PIEZO2: variants seen among roughly 807,000 people sequenced by gnomAD.
PIEZO2 encodes the protein piezo-type mechanosensitive ion channel component 2.
A neutral mutation model predicts 337.3 loss-of-function variants in PIEZO2; 172 were observed. The observed-to-expected ratio is 0.51, with a 90% CI of 0.45 to 0.58. PIEZO2 has a LOEUF of 0.58. PIEZO2 is among the 20% of genes least tolerant of loss of function. PIEZO2 has a pLI of 0.00. For missense variants in PIEZO2, 3,028 were observed against 3,391.3 expected, an observed-to-expected ratio of 0.89 and a Z score of 2.66; for synonymous variants, 1,251 against 1,228.5, an observed-to-expected ratio of 1.02 and a Z score of -0.38.
At position 11,144,389 on chromosome 18, in the gene PIEZO2, G is replaced by A. The variant is rs77706983; in HGVS notation, c.64+4136C>T. On this transcript the variant is annotated intron_variant, in intron 1 of 55. Coordinates refer to ENST00000674853, the MANE Select transcript of PIEZO2 (RefSeq NM_001378183.1). ...AGTTACTTTCTTAAATGCCTTCCAT[G>A]AATCCTTTGGCAGCTGCAGCCACCT... 3.9e-3 allele frequency among the ~76,000 whole-genome samples: 591 copies of A among 152,214 alleles called. 3 individuals carry two copies. Among genetic ancestry groups the A allele is most frequent in the African/African-American group, 0.013 (545 of 41,524 alleles).
intron 1 of PIEZO2, among the ~76,000 whole-genome samples, chr18:11,120,541 T>C (rs1333050724): frequency 6.6e-6 from 1 of 152,188 alleles, no homozygotes; most frequent in African/African-American, 2.4e-5. Flanking sequence ...AGAGAGGGTT[T>C]CGAAGCAGGA....
chr18:10,795,352 TTA>T lies in PIEZO2; in HGVS notation c.1528-352_1528-351del. Among the ~76,000 whole-genome samples, 2 of 2,944 alleles carry T rather than the reference TTA, an allele frequency of 6.8e-4. No individual in the cohort carries two copies. The highest frequency in any genetic ancestry group is 0.029 in the East Asian group (1 of 34). The allele number at this position is 2,944 out of a possible 152,430, so 1.9% of individuals were successfully genotyped here. On this transcript the variant is annotated intron_variant, in intron 12 of 55. Transcript: ENST00000674853. This position sits in a 1 kb window ranked among gnomAD's most constrained non-coding sequence, Gnocchi z 4.4. Reference sequence around the variant, plus strand: ...TTTTATTTTATTTTATTTTATTTTATTATTTTATTTTATTTTATTTTATTTTA... The same window carrying T: ...TTTTATTTTATTTTATTTTATTTTATTTTTATTTTATTTTATTTTATTTTA...
intron 4 of PIEZO2, among the ~76,000 whole-genome samples, chr18:10,891,105 G>C (rs2042742201): frequency 6.6e-6 from 1 of 152,166 alleles, no homozygotes; most frequent in African/African-American, 2.4e-5. Flanking sequence ...GGCCGAGGCA[G>C]GTGGATTACT....
At chr18:10,933,528 T>G (rs1568213500) in intron 3 of PIEZO2, among the ~76,000 whole-genome samples, 1 of 152,236 alleles carries the variant, frequency 6.6e-6, no homozygotes, top group Non-Finnish European at 1.5e-5. Context: ...ACCGTGGGAA[T>G]ACACTATGTC....
chr18:10,726,608 G>C lies in PIEZO2; in HGVS notation c.5029+4799C>G, dbSNP rs2036554504. ...TTCCAGGACCTGGCGCGCTACGTGC[G>C]GGACGCCGACGTGCGCTGGGAGTAC... On this transcript the variant is annotated intron_variant, in intron 36 of 55. Transcript: ENST00000674853. The surrounding 1 kb of genome is among the most constrained non-coding windows in gnomAD (Gnocchi z 5.9). The C allele has an allele frequency of 5.7e-6, 8 of 1,414,324 alleles. No homozygotes were observed. Among genetic ancestry groups the C allele is most frequent in the Non-Finnish European group, 6.6e-6 (7 of 1,058,302 alleles). The allele number at this position is 1,414,324 out of a possible 1,614,324, so 87.6% of individuals were successfully genotyped here. A position where few individuals can be genotyped will look rare whatever the true frequency, so the allele number is the denominator to read the frequency against.
chr18:10,906,106 G>A (rs1055224555), intron 4 of PIEZO2, among the ~76,000 whole-genome samples: 2 of 152,100 alleles, frequency 1.3e-5, no homozygotes, highest in African/African-American at 4.8e-5. Flanking sequence ...ACAGAGCTAG[G>A]CCTTTTGAAT....
chr18:10,985,424 C>T (rs2034834152), intron 2 of PIEZO2, among the ~76,000 whole-genome samples: 1 of 151,992 alleles, frequency 6.6e-6, no homozygotes, highest in South Asian at 2.1e-4. Context: ...ATTCCCAATA[C>T]CATTTATTGA....
intron 4 of PIEZO2, among the ~76,000 whole-genome samples, chr18:10,905,570 C>T (rs921263886): frequency 5.3e-5 from 6 of 113,020 alleles, no homozygotes; most frequent in African/African-American, 1.1e-4. Context: ...GCAACAAGAG[C>T]GAAACTGTTT....
At chr18:11,066,303 T>C (rs2038148211) in intron 1 of PIEZO2, 81 bp from the exon 2 acceptor site, 1 of 1,003,966 alleles carries the variant, frequency 1.0e-6, no homozygotes, top group South Asian at 1.5e-5. Context: ...TAACAAAAGA[T>C]GGTCTCAGAT....
Position 10,794,832 on chromosome 18 carries a change from AG to A in PIEZO2, c.1697del (p.Pro566LeufsTer10). The A allele has an allele frequency of 6.5e-7, 1 of 1,536,624 alleles. No homozygotes were observed. Among genetic ancestry groups the A allele is most frequent in the Non-Finnish European group, 8.7e-7 (1 of 1,146,710 alleles). ...ILQYIWSFEL[P>X]EIKKVPGFLE... ...AAAATCCTGGAACTTTTTTAATTTCAGGAAGTTCAAAACTCCATATATACTG... is the reference window on the plus strand; with the variant it reads ...AAAATCCTGGAACTTTTTTAATTTCAGAAGTTCAAAACTCCATATATACTG... On this transcript the variant is annotated frameshift_variant, in exon 13 of 56. Coordinates refer to ENST00000674853, the MANE Select transcript of PIEZO2 (RefSeq NM_001378183.1). LOFTEE classifies it high-confidence loss of function. This position sits in a 1 kb window ranked among gnomAD's most constrained non-coding sequence, Gnocchi z 6.6.
chr18:11,086,435 C>T (rs1265391133), intron 1 of PIEZO2, among the ~76,000 whole-genome samples: 1 of 151,246 alleles, frequency 6.6e-6, no homozygotes, highest in Non-Finnish European at 1.5e-5. Flanking sequence ...AGGAGAATGG[C>T]CTGAACCCGG....
At chr18:11,100,344 T>G (rs897002915) in intron 1 of PIEZO2, among the ~76,000 whole-genome samples, 3 of 152,214 alleles carry the variant, frequency 2.0e-5, no homozygotes, top group Non-Finnish European at 2.9e-5. Flanking sequence ...TTGAATGCTT[T>G]TCCAAAAAGC....
chr18:10,695,763 T>C (rs1487232850), intron 47 of PIEZO2, among the ~76,000 whole-genome samples: 1 of 152,114 alleles, frequency 6.6e-6, no homozygotes, highest in East Asian at 1.9e-4. Flanking sequence ...TCTGCTAAGG[T>C]GTAGAGAGAA....
intron 20 of PIEZO2, among the ~76,000 whole-genome samples, chr18:10,771,484 T>G (rs1163746543): frequency 6.6e-6 from 1 of 152,258 alleles, no homozygotes; most frequent in Non-Finnish European, 1.5e-5. Context: ...CTGTCTTGTT[T>G]GTAAACAAAA....
chr18:11,060,872 ATAG>A (rs201449840), intron 2 of PIEZO2, among the ~76,000 whole-genome samples: 97,725 of 150,982 alleles, frequency 0.65, 32,181 homozygotes, highest in East Asian at 0.97. Context: ...ATTCCAATCA[ATAG>A]AAAAGAGGGA....
rs1207731776 is a variant in PIEZO2 at position 11,128,963 on chromosome 18, T to C, written c.64+19562A>G. 6.6e-6 allele frequency among the ~76,000 whole-genome samples: 1 copy of C among 152,190 alleles called. No homozygotes were observed. Among genetic ancestry groups the C allele is most frequent in the Non-Finnish European group, 1.5e-5 (1 of 68,036 alleles). The stretch of plus-strand genomic sequence containing the variant: ...CACTAAGTAAGGACTCAGTGTTTAA[T>C]GTTGCAGATCAGGGAGTTAAAAAAG... On this transcript the variant is annotated intron_variant, in intron 1 of 55. Coordinates refer to ENST00000674853, the MANE Select transcript of PIEZO2 (RefSeq NM_001378183.1). This position sits in a 1 kb window ranked among gnomAD's most constrained non-coding sequence, Gnocchi z 4.1.
At position 10,684,588 on chromosome 18, in the gene PIEZO2, T is replaced by G. The variant is rs948490715; in HGVS notation, c.7498-2296A>C. Among the ~76,000 whole-genome samples, 44 of 151,500 alleles carry G rather than the reference T, an allele frequency of 2.9e-4. 1 individual carries two copies. Among genetic ancestry groups the G allele is most frequent in the African/African-American group, 8.2e-4 (34 of 41,222 alleles). On this transcript the variant is annotated intron_variant, in intron 49 of 55. Coordinates refer to ENST00000674853, the MANE Select transcript of PIEZO2 (RefSeq NM_001378183.1). The stretch of plus-strand genomic sequence containing the variant: ...CGAGAGATTCTCATGCCTCAGCCTC[T>G]CAAGTAGCTGGGACTACAGGCACAC...
chr18:10,820,324 C>T (rs1728014), intron 7 of PIEZO2, among the ~76,000 whole-genome samples: 2 of 150,628 alleles, frequency 1.3e-5, no homozygotes, highest in Non-Finnish European at 3.0e-5. Context: ...TGTCCTATAG[C>T]TTATGTGGTT....
chr18:10,777,275 C>T (rs1273592549), intron 18 of PIEZO2, among the ~76,000 whole-genome samples: 1 of 152,222 alleles, frequency 6.6e-6, no homozygotes, highest in Non-Finnish European at 1.5e-5. Context: ...TCTAACGGAG[C>T]AGATGACAAG....
Sources: allele counts gnomAD v4.1 joint callset (sites outside exome capture counted in the v4.1 genomes callset), GRCh38; gene constraint gnomAD v4.1.1; non-coding constraint Gnocchi (gnomAD v3.1); transcripts MANE v1.5; gene names NCBI Gene and HGNC (gene_info 2026-07-23, HGNC 2026-07-21).